The following PRKAB1 variants were observed in gnomAD, a reference collection of about 807,000 sequenced individuals.
PRKAB1 encodes the protein protein kinase AMP-activated non-catalytic subunit beta 1.
A neutral mutation model predicts 32.0 loss-of-function variants in PRKAB1; 18 were observed. That is an observed-to-expected ratio of 0.56 (90% CI 0.39 to 0.83). The LOEUF is 0.83. PRKAB1 is among the 40% of genes least tolerant of loss of function. The pLI, the probability that PRKAB1 is intolerant of heterozygous loss-of-function variation, is 0.00. For synonymous variants in PRKAB1, 141 were observed against 141.4 expected (o/e 1.00, Z 0.02); for missense variants, 263 against 352.6 (o/e 0.75, Z 2.03).
chr12:119,670,402 C>G (rs56164735), intron 1 of PRKAB1, among the ~76,000 whole-genome samples: 1,792 of 152,248 alleles, frequency 0.012, 36 homozygotes, highest in African/African-American at 0.041. Context: ...TAGTTTTGAG[C>G]CTGACTACAA....
chr12:119,675,282 G>C, intron 4 of PRKAB1, among the ~76,000 whole-genome samples: 1 of 152,182 alleles, frequency 6.6e-6, no homozygotes. Context: ...TGTCTAGTTA[G>C]GCCTGGAAGT....
At position 119,680,786 on chromosome 12, in the gene PRKAB1, A is replaced by T. The variant is rs189523939; in HGVS notation, c.*461A>T. ...CACTTGTCCCTGTTGAGGCCTGGCTATGGAACTAAATACAGTGTTGGTCTT... is the reference window on the plus strand; with the variant it reads ...CACTTGTCCCTGTTGAGGCCTGGCTTTGGAACTAAATACAGTGTTGGTCTT... On this transcript the variant is annotated 3_prime_UTR_variant, in exon 7 of 7. Coordinates refer to ENST00000229328, the MANE Select transcript of PRKAB1 (RefSeq NM_006253.5). The T allele has an allele frequency of 6.0e-6, 1 of 166,546 alleles. No homozygotes were observed. The highest frequency in any genetic ancestry group is 1.6e-4 in the East Asian group (1 of 6,104). 10.3% of individuals were successfully genotyped at this position (166,546 alleles called of 1,614,324 possible).
chr12:119,673,016 G>T (rs1955398726), intron 2 of PRKAB1, among the ~76,000 whole-genome samples: 1 of 152,300 alleles, frequency 6.6e-6, no homozygotes, highest in African/African-American at 2.4e-5. Context: ...ATTGCTTGAG[G>T]CTAGGAGTTC....
intron 1 of PRKAB1, among the ~76,000 whole-genome samples, chr12:119,669,124 AAATAT>A (rs1217983879): frequency 1.3e-5 from 2 of 150,232 alleles, no homozygotes; most frequent in Non-Finnish European, 2.9e-5. Context: ...CTCAAAAAAA[AAATAT>A]AAATAAAAAT....
chr12:119,679,628 C>T lies in PRKAB1; in HGVS notation c.667-305C>T. Reference sequence around the variant, plus strand: ...TGAAAGTGCTGTTAATAGCTGCTTTCTTCCTGCCCCACCCTCCATAAGAGG... The same window carrying T: ...TGAAAGTGCTGTTAATAGCTGCTTTTTTCCTGCCCCACCCTCCATAAGAGG... On this transcript the variant is annotated intron_variant, in intron 5 of 6. Transcript: ENST00000229328. The surrounding 1 kb of genome is among the most constrained non-coding windows in gnomAD (Gnocchi z 4.1). 2.5e-6 allele frequency: 1 copy of T among 401,912 alleles called. No homozygotes were observed. Among genetic ancestry groups the T allele is most frequent in the Non-Finnish European group, 4.7e-6 (1 of 212,096 alleles). The allele number at this position is 401,912 out of a possible 1,614,324, so 24.9% of individuals were successfully genotyped here.
chr12:119,671,206 C>T (rs192465435), intron 1 of PRKAB1, among the ~76,000 whole-genome samples: 2 of 152,274 alleles, frequency 1.3e-5, no homozygotes, highest in African/African-American at 4.8e-5. Flanking sequence ...TCTGGATTTG[C>T]CTATTTTCAA....
chr12:119,676,671 G>A lies in PRKAB1; in HGVS notation c.666+1G>A. On this transcript the variant is annotated splice_donor_variant, in intron 5 of 6. Transcript: ENST00000229328. LOFTEE classifies it high-confidence loss of function. ...CCTGAACAAGGACACGGGGATTTCC[G>A]TAAGTATGTGGGCATCTGCCCGGAC... 1.2e-6 allele frequency: 2 copies of A among 1,613,366 alleles called. No homozygotes were observed. The highest frequency in any genetic ancestry group is 1.1e-5 in the South Asian group (1 of 91,040).
intron 2 of PRKAB1, among the ~76,000 whole-genome samples, chr12:119,673,117 C>T (rs936649710): frequency 1.3e-5 from 2 of 152,142 alleles, no homozygotes; most frequent in African/African-American, 4.8e-5. Flanking sequence ...GTATCCCCAG[C>T]TACTCGGGAG....
intron 5 of PRKAB1, chr12:119,678,915 T>C (rs551426114): frequency 6.6e-6 from 1 of 152,220 alleles, no homozygotes; most frequent in Non-Finnish European, 1.5e-5. Flanking sequence ...GTTATAACTT[T>C]TTAGGAACCT....
chr12:119,675,076 C>G (rs763644261), intron 4 of PRKAB1, among the ~76,000 whole-genome samples: 4 of 152,210 alleles, frequency 2.6e-5, no homozygotes, highest in Non-Finnish European at 5.9e-5. Flanking sequence ...CTCCAAGCCC[C>G]ACAGGAAGAA....
In PRKAB1 at chr12:119,680,213, G is replaced by T. The variant is rs750879584; in HGVS notation, c.736-35G>T. On this transcript the variant is annotated intron_variant, in intron 6 of 6. Transcript: ENST00000229328. ...TGTCCTCTGAGGCTTGAGCCCCTTA[G>T]TCCAGCCTTTGATCATTTCCACCTT... 8 of 1,597,006 alleles carry T rather than the reference G, an allele frequency of 5.0e-6. No homozygotes were observed. In the South Asian group the frequency reaches 8.8e-5, roughly 18 times the overall value.
chr12:119,673,689 A>G (rs1443914596), intron 2 of PRKAB1: 1 of 301,918 alleles, frequency 3.3e-6, no homozygotes, highest in East Asian at 6.2e-5. Context: ...AGACGCACAA[A>G]TGCCTGACTG....
Position 119,679,573 on chromosome 12 carries a change from T to G in PRKAB1, c.667-360T>G. The G allele has an allele frequency of 3.3e-6, 1 of 306,376 alleles. No individual in the cohort carries two copies. Among genetic ancestry groups the G allele is most frequent in the Non-Finnish European group, 6.4e-6 (1 of 155,178 alleles). The allele number at this position is 306,376 out of a possible 1,614,324, so 19.0% of individuals were successfully genotyped here. On this transcript the variant is annotated intron_variant, in intron 5 of 6. Transcript: ENST00000229328. This position sits in a 1 kb window ranked among gnomAD's most constrained non-coding sequence, Gnocchi z 4.1. Reference sequence around the variant, plus strand: ...TTTTGAATCCATTGCTCAGGAGCGTTTAGTGCAGATGGTCTCTTCCTGTGT... The same window carrying G: ...TTTTGAATCCATTGCTCAGGAGCGTGTAGTGCAGATGGTCTCTTCCTGTGT...
At chr12:119,673,911 G>A in intron 2 of PRKAB1, 53 bp from the exon 3 acceptor site, 1 of 1,491,574 alleles carries the variant, frequency 6.7e-7, no homozygotes, top group Non-Finnish European at 9.2e-7. Flanking sequence ...TGGCAAGTAA[G>A]CTCGGGGGGC....
intron 1 of PRKAB1, 47 bp downstream of exon 1, chr12:119,668,450 G>A (rs766985412): frequency 6.3e-7 from 1 of 1,597,040 alleles, no homozygotes; most frequent in Non-Finnish European, 8.5e-7. Context: ...TAATGTTGAG[G>A]AGAGGAACCC....
chr12:119,678,294 ATTC>A (rs1162663621), intron 5 of PRKAB1: 4 of 152,240 alleles, frequency 2.6e-5, no homozygotes, highest in Non-Finnish European at 5.9e-5. Context: ...CTTTTCGTGT[ATTC>A]TTATTCAAGC....
chr12:119,673,158 A>AG (rs1425816444), intron 2 of PRKAB1, among the ~76,000 whole-genome samples: 8 of 152,176 alleles, frequency 5.3e-5, no homozygotes, highest in African/African-American at 1.9e-4. Flanking sequence ...TGAGCCTGAG[A>AG]GGTCAGTGCT....
intron 4 of PRKAB1, among the ~76,000 whole-genome samples, chr12:119,676,176 G>C (rs1397388530): frequency 2.6e-5 from 4 of 152,110 alleles, no homozygotes; most frequent in Non-Finnish European, 5.9e-5. Context: ...TTAGCCTCCA[G>C]CTTCTTTGTG....
rs1047327707 is a variant in PRKAB1 at position 119,679,656 on chromosome 12, A to G, written c.667-277A>G. Reference sequence around the variant, plus strand: ...CCTGCCCCACCCTCCATAAGAGGACAGGGCCGTGGCCCACACTTGAAAGAG... The same window carrying G: ...CCTGCCCCACCCTCCATAAGAGGACGGGGCCGTGGCCCACACTTGAAAGAG... On this transcript the variant is annotated intron_variant, in intron 5 of 6. Transcript: ENST00000229328. This position sits in a 1 kb window ranked among gnomAD's most constrained non-coding sequence, Gnocchi z 4.1. 6 of 459,460 alleles carry G rather than the reference A, an allele frequency of 1.3e-5. No homozygotes were observed. Among genetic ancestry groups the G allele is most frequent in the African/African-American group, 9.9e-5 (5 of 50,264 alleles). 28.5% of individuals were successfully genotyped at this position (459,460 alleles called of 1,614,324 possible).
Sources: gnomAD v4.1 joint callset for allele counts (sites outside exome capture counted in the v4.1 genomes callset) on GRCh38, gnomAD v4.1.1 for gene constraint, Gnocchi (gnomAD v3.1) non-coding constraint, MANE v1.5 for transcripts, NCBI Gene and HGNC (gene_info 2026-07-23, HGNC 2026-07-21) for gene names.